The following SLC36A1 variants were observed in gnomAD, a reference collection of about 807,000 sequenced individuals.
SLC36A1 encodes solute carrier family 36 member 1.
In SLC36A1, 30 loss-of-function variants were observed where a neutral mutation model predicts 47.5. That is an observed-to-expected ratio of 0.63 (90% CI 0.47 to 0.86). The LOEUF is 0.86. Among genes scored for constraint, SLC36A1 ranks in the 40% least tolerant of loss-of-function variants. SLC36A1 has a pLI of 0.00. For missense variants in SLC36A1, 517 were observed against 606.0 expected (o/e 0.85, Z 1.54); for synonymous variants, 255 against 249.7 (o/e 1.02, Z -0.20).
chr5:151,458,312 GTATATATATATATATATATA>G (rs35929969), intron 1 of SLC36A1, among the ~76,000 whole-genome samples: 1 of 111,238 alleles, frequency 9.0e-6, no homozygotes, highest in South Asian at 3.1e-4. Context: ...GTGTATATAC[GTATATATATATATATATATA>G]TGGGATATTT....
chr5:151,516,728 T>G, the SLC36A1 span, among the ~76,000 whole-genome samples: 161 of 152,318 alleles, frequency 1.1e-3, no homozygotes, highest in Non-Finnish European at 4.4e-5. Flanking sequence ...CCTAGGACAG[T>G]GCCTGTCACA....
chr5:151,368,505 A>G, the SLC36A1 span, among the ~76,000 whole-genome samples: 2 of 152,172 alleles, frequency 1.3e-5, no homozygotes, highest in African/African-American at 2.4e-5. Context: ...CTCCTGTGCC[A>G]CCATATACCC....
At chr5:151,481,388 C>T (rs1459068630) in intron 10 of SLC36A1, among the ~76,000 whole-genome samples, 1 of 152,154 alleles carries the variant, frequency 6.6e-6, no homozygotes, top group Non-Finnish European at 1.5e-5. Flanking sequence ...CAGTAGAGGC[C>T]TTTCATGGCA....
the SLC36A1 span, among the ~76,000 whole-genome samples, chr5:151,514,980 T>G: frequency 6.6e-6 from 1 of 152,224 alleles, no homozygotes; most frequent in Non-Finnish European, 1.5e-5. Flanking sequence ...TGATAATCTT[T>G]ATTTTTTTAA....
the SLC36A1 span, among the ~76,000 whole-genome samples, chr5:151,397,277 C>G: frequency 2.0e-5 from 3 of 152,216 alleles, no homozygotes; most frequent in Non-Finnish European, 4.4e-5. Flanking sequence ...CCCATGCATA[C>G]ACATGGAGCC....
At chr5:151,544,533 T>C in the SLC36A1 span, 2,691 of 1,613,474 alleles carry the variant, frequency 1.7e-3, 36 homozygotes, top group African/African-American at 0.031. Flanking sequence ...GGAGTCCCTC[T>C]GGACTCCGGG....
chr5:151,462,880 CT>C (rs371732424), intron 2 of SLC36A1, among the ~76,000 whole-genome samples: 69 of 146,682 alleles, frequency 4.7e-4, no homozygotes, highest in Non-Finnish European at 5.1e-4. Flanking sequence ...GGATCTGAGT[CT>C]TTTTTTTTTT....
chr5:151,547,245 T>C, the SLC36A1 span, among the ~76,000 whole-genome samples: 202 of 152,358 alleles, frequency 1.3e-3, 1 homozygote, highest in African/African-American at 4.7e-3. Context: ...GGTCTGAGCC[T>C]GTGAGCTATC....
At chr5:151,553,488 C>T in the SLC36A1 span, 1 of 990,256 alleles carries the variant, frequency 1.0e-6, no homozygotes, top group Non-Finnish European at 1.5e-6. Flanking sequence ...TCTGACCAAG[C>T]AGGCCTCTCA....
At chr5:151,395,142 C>G in the SLC36A1 span, among the ~76,000 whole-genome samples, 77,012 of 152,128 alleles carry the variant, frequency 0.51, 21,433 homozygotes, top group African/African-American at 0.75. Flanking sequence ...CCACCTTGCA[C>G]TTCGATCTCA....
chr5:151,427,528 T>A, the SLC36A1 span, among the ~76,000 whole-genome samples: 1 of 152,192 alleles, frequency 6.6e-6, no homozygotes, highest in Non-Finnish European at 1.5e-5. Flanking sequence ...ATTTTTCACT[T>A]TGTTAAGAGT....
the SLC36A1 span, among the ~76,000 whole-genome samples, chr5:151,418,244 G>C: frequency 0.17 from 25,493 of 152,176 alleles, 2,364 homozygotes; most frequent in East Asian, 0.38. Flanking sequence ...GGTTGCAGCT[G>C]CCACACAGTT....
intron 2 of SLC36A1, among the ~76,000 whole-genome samples, chr5:151,459,265 A>C (rs76982225): frequency 2.6e-5 from 4 of 152,184 alleles, no homozygotes; most frequent in Admixed American, 6.5e-5. Context: ...TCCAAGCATA[A>C]TCGGAAGCTT....
At chr5:151,373,026 A>G in the SLC36A1 span, among the ~76,000 whole-genome samples, 62 of 152,310 alleles carry the variant, frequency 4.1e-4, 1 homozygote, top group East Asian at 0.01. Context: ...AGCCTGGGCG[A>G]CACAGTGAGA....
In SLC36A1 at chr5:151,485,291, G is replaced by A. The variant is rs1278328895; in HGVS notation, c.1160-2692G>A. Among the ~76,000 whole-genome samples the A allele has an allele frequency of 2.6e-5, 4 of 152,184 alleles. No homozygotes were observed. The South Asian group carries it at 6.2e-4, about 24-fold the overall frequency. On this transcript the variant is annotated intron_variant, in intron 10 of 10. Coordinates refer to ENST00000243389, the MANE Select transcript of SLC36A1 (RefSeq NM_078483.4). ...CCATTATGGTTGATTAATAGAAGAA[G>A]GAAAGATGAAGAACTGCCCCAGAGT... is the stretch of plus-strand genomic sequence containing the variant.
At chr5:151,385,255 A>T in the SLC36A1 span, among the ~76,000 whole-genome samples, 3 of 152,184 alleles carry the variant, frequency 2.0e-5, no homozygotes, top group Non-Finnish European at 4.4e-5. Context: ...ATGACCCAGC[A>T]TGGACCCTCT....
the SLC36A1 span, chr5:151,545,904 A>G: frequency 6.2e-7 from 1 of 1,614,226 alleles, no homozygotes; most frequent in Non-Finnish European, 8.5e-7. Flanking sequence ...CCACCATGAC[A>G]TCAGTAAATG....
rs1554113502 is a variant in SLC36A1, at chr5:151,468,266, A to ATAT, written c.723+341_723+342insTAT. 1.4e-3 allele frequency among the ~76,000 whole-genome samples: 91 copies of ATAT among 63,800 alleles called. 2 individuals carry two copies. The highest frequency in any genetic ancestry group is 0.011 in the East Asian group (17 of 1,606). 41.9% of individuals were successfully genotyped at this position (63,800 alleles called of 152,430 possible). A position where few individuals can be genotyped will look rare whatever the true frequency, so the allele number is the denominator to read the frequency against. On this transcript the variant is annotated intron_variant, in intron 7 of 10. Coordinates refer to ENST00000243389, the MANE Select transcript of SLC36A1 (RefSeq NM_078483.4). ...GACTCTGTCTCAAAAAAAAAAAAAA[A>ATAT]ATATATATATATATATATATATATA...
chr5:151,544,482 C>T, the SLC36A1 span: 2 of 1,614,132 alleles, frequency 1.2e-6, no homozygotes, highest in Admixed American at 1.7e-5. Context: ...CAGTGGTGAA[C>T]AGCATCAAGG....
Sources: gnomAD v4.1 joint callset for allele counts (sites outside exome capture counted in the v4.1 genomes callset) on GRCh38, gnomAD v4.1.1 for gene constraint, MANE v1.5 for transcripts, NCBI Gene and HGNC (gene_info 2026-07-23, HGNC 2026-07-21) for gene names.